BBOF1: variants seen among roughly 807,000 people sequenced by gnomAD.
BBOF1 encodes the protein basal body-orientation factor 1.
BBOF1 carries 62 observed loss-of-function variants against 68.0 expected under a neutral mutation model. That is an observed-to-expected ratio of 0.91 (90% CI 0.74 to 1.13). The LOEUF is 1.13. Among genes scored for constraint, BBOF1 ranks in the 50% most tolerant of loss-of-function variants. BBOF1 has a pLI of 0.00. For missense variants in BBOF1, 534 were observed against 600.1 expected, an observed-to-expected ratio of 0.89 and a Z score of 1.15; for synonymous variants, 208 against 198.8, an observed-to-expected ratio of 1.05 and a Z score of -0.39.
intron 2 of BBOF1, 43 bp downstream of exon 2, chr14:74,023,187 A>G (rs373902540): frequency 2.5e-4 from 268 of 1,090,894 alleles, no homozygotes; most frequent in Admixed American, 6.4e-4. Context: ...AACTACCTCT[A>G]TGGTGATGCT....
chr14:74,037,847 C>T lies in BBOF1; in HGVS notation c.496-2718C>T, dbSNP rs371804332. On this transcript the variant is annotated intron_variant, in intron 4 of 11. Coordinates refer to ENST00000394009, the MANE Select transcript of BBOF1 (RefSeq NM_025057.3). ...GCACATGCCTGTAATCCCAGCTACT[C>T]GGGAGGCTGAGGCAGGAGAATCGCT... is the stretch of plus-strand genomic sequence containing the variant. 3.4e-4 allele frequency among the ~76,000 whole-genome samples: 52 copies of T among 151,528 alleles called. 1 individual carries two copies. The South Asian group carries it at 0.01, about 30-fold the overall frequency.
At chr14:74,067,124 G>A (rs1205488964), downstream of BBOF1, among the ~76,000 whole-genome samples, 2 of 152,140 alleles carry the variant, frequency 1.3e-5, no homozygotes, top group Non-Finnish European at 2.9e-5. Flanking sequence ...TGAGGCAGGA[G>A]GATCACTTGA....
chr14:74,066,673 GCT>G, downstream of BBOF1: 5 of 1,597,372 alleles, frequency 3.1e-6, no homozygotes, highest in Non-Finnish European at 4.3e-6. Context: ...GGTGCCTTCA[GCT>G]CTCATATTTG....
chr14:74,037,498 C>G (rs2059734124), intron 4 of BBOF1, among the ~76,000 whole-genome samples: 1 of 148,438 alleles, frequency 6.7e-6, no homozygotes, highest in Admixed American at 6.7e-5. Context: ...CACTGTTGCC[C>G]AGGCTGGTCT....
At chr14:74,067,281 T>C, downstream of BBOF1, 1 of 1,340,102 alleles carries the variant, frequency 7.5e-7, no homozygotes, top group Admixed American at 1.7e-5. Flanking sequence ...ATGGCAAGAA[T>C]AGACATGATT....
At position 74,039,683 on chromosome 14, in the gene BBOF1, C is replaced by T. The variant is rs2059789976; in HGVS notation, c.496-882C>T. 4.6e-5 allele frequency among the ~76,000 whole-genome samples: 7 copies of T among 152,112 alleles called. No homozygotes were observed. The South Asian group carries it at 1.5e-3, about 32-fold the overall frequency. On this transcript the variant is annotated intron_variant, in intron 4 of 11. Coordinates refer to ENST00000394009, the MANE Select transcript of BBOF1 (RefSeq NM_025057.3). ...AACTCCTGGATCTCAGGTCATCCAC[C>T]CGCCTCGGCCTCCCAAAGTACTGGG...
At chr14:74,041,821 G>A (rs1212486923) in intron 5 of BBOF1, among the ~76,000 whole-genome samples, 1 of 152,178 alleles carries the variant, frequency 6.6e-6, no homozygotes, top group Non-Finnish European at 1.5e-5. Flanking sequence ...CGGATCACTT[G>A]AGGCCAGAAG....
At chr14:74,064,297 C>CAAA (rs368051564) in intron 11 of BBOF1, among the ~76,000 whole-genome samples, 3 of 127,000 alleles carry the variant, frequency 2.4e-5, no homozygotes, top group Non-Finnish European at 3.4e-5. Flanking sequence ...GACTGTGTCT[C>CAAA]AAAAAAAAAA....
chr14:74,047,945 T>C lies in BBOF1; in HGVS notation c.663T>C (p.Ala221=), dbSNP rs768301204. The C allele has an allele frequency of 1.9e-6, 3 of 1,608,104 alleles. No homozygotes were observed. Among genetic ancestry groups the C allele is most frequent in the East Asian group, 2.2e-5 (1 of 44,810 alleles). ...TCTATTTCAGGCAATTGAACGATGC[T>C]GGAAGAAATGTTTTTAAAGAGAATG... is the stretch of plus-strand genomic sequence containing the variant. ...HHEAIVQLND[A]GRNVFKENDY... The change falls in exon 7 of 12, where the codon GCT becomes GCC. Residue 221 remains alanine, a synonymous_variant. Transcript: ENST00000394009.
chr14:74,071,158 A>T, intron 9 of BBOF1: 1 of 1,584,038 alleles, frequency 6.3e-7, no homozygotes, highest in Non-Finnish European at 8.7e-7. Flanking sequence ...ATTTTTTGGT[A>T]GCCAGATTAA....
chr14:74,053,733 A>C (rs2139654862), intron 8 of BBOF1, among the ~76,000 whole-genome samples: 1 of 145,632 alleles, frequency 6.9e-6, no homozygotes, highest in East Asian at 2.1e-4. Flanking sequence ...TTTTTTTTTG[A>C]GAGAGTCTCA....
At chr14:74,036,193 C>T (rs964119878) in intron 4 of BBOF1, among the ~76,000 whole-genome samples, 1 of 151,986 alleles carries the variant, frequency 6.6e-6, no homozygotes, top group Admixed American at 6.6e-5. Context: ...GTAGCAGGGA[C>T]TATAGGCGCA....
At chr14:74,056,816 T>TA (rs373275578) in intron 9 of BBOF1, 90 bp from the exon 10 acceptor site, 185 of 855,954 alleles carry the variant, frequency 2.2e-4, no homozygotes, top group Middle Eastern at 5.9e-4. Flanking sequence ...AAATAAAAAA[T>TA]AAAAAAAAAT....
At chr14:74,057,332 G>A (rs2060236642) in intron 11 of BBOF1, 74 bp downstream of exon 11, 1 of 1,600,544 alleles carries the variant, frequency 6.2e-7, no homozygotes, top group Non-Finnish European at 8.5e-7. Flanking sequence ...GCTAAATCAC[G>A]GTTATTTTCT....
downstream of BBOF1, chr14:74,066,930 A>T (rs1467691140): frequency 6.4e-7 from 1 of 1,570,236 alleles, no homozygotes; most frequent in Non-Finnish European, 8.8e-7. Context: ...ATTAACATAA[A>T]TTATGACTGC....
At chr14:74,055,797 G>A in intron 9 of BBOF1, 112 bp downstream of exon 9, 1 of 727,856 alleles carries the variant, frequency 1.4e-6, no homozygotes, top group Non-Finnish European at 2.2e-6. Flanking sequence ...GAAAGGACCA[G>A]AAAATATAAA....
At chr14:74,033,769 G>A (rs940415700) in intron 3 of BBOF1, among the ~76,000 whole-genome samples, 2 of 151,920 alleles carry the variant, frequency 1.3e-5, no homozygotes, top group Non-Finnish European at 2.9e-5. Flanking sequence ...CCCAGGCTGA[G>A]GCAAGAGAAT....
chr14:74,072,071 A>G (rs2060557286), intron 9 of BBOF1: 1 of 1,562,400 alleles, frequency 6.4e-7, no homozygotes, highest in South Asian at 1.1e-5. Flanking sequence ...GAGATGCAGT[A>G]CAAGGGAGAG....
At chr14:74,051,770 T>G (rs1016116664) in intron 8 of BBOF1, among the ~76,000 whole-genome samples, 2 of 151,666 alleles carry the variant, frequency 1.3e-5, no homozygotes, top group Non-Finnish European at 2.9e-5. Context: ...TCAAAGGCCC[T>G]AACTCAAGAA....
Sources: gnomAD v4.1 joint callset for allele counts (sites outside exome capture counted in the v4.1 genomes callset) on GRCh38, gnomAD v4.1.1 for gene constraint, MANE v1.5 for transcripts, NCBI Gene and HGNC (gene_info 2026-07-23, HGNC 2026-07-21) for gene names.